INO80: variants seen among roughly 807,000 people sequenced by gnomAD.
INO80 encodes the protein INO80 complex ATPase subunit.
INO80 carries 20 observed loss-of-function variants against 203.4 expected under a neutral mutation model. That is an observed-to-expected ratio of 0.10 (90% CI 0.07 to 0.14). The LOEUF is 0.14. Ranked by LOEUF, INO80 falls within the 10% of genes least tolerant of loss-of-function variation. INO80 has a pLI of 1.00. For missense variants in INO80, 1,419 were observed against 1,914.4 expected, an observed-to-expected ratio of 0.74 and a Z score of 4.83; for synonymous variants, 726 against 685.2, an observed-to-expected ratio of 1.06 and a Z score of -0.93.
At chr15:41,071,312 T>C (rs559603754) in intron 12 of INO80, among the ~76,000 whole-genome samples, 113 of 152,300 alleles carry the variant, frequency 7.4e-4, no homozygotes, top group African/African-American at 2.7e-3. Context: ...TTGTTACATA[T>C]GTATACATGT....
At chr15:41,051,817 C>T (rs569928197) in intron 19 of INO80, among the ~76,000 whole-genome samples, 3 of 151,988 alleles carry the variant, frequency 2.0e-5, no homozygotes, top group South Asian at 2.1e-4. Flanking sequence ...ATTAGCTGGG[C>T]GTTAGTGGTA....
Position 41,047,520 on chromosome 15 carries a change from T to C in INO80, c.2642-19A>G, listed in dbSNP as rs2044790083. 9 of 1,537,942 alleles carry C rather than the reference T, an allele frequency of 5.9e-6. No individual in the cohort carries two copies. Among genetic ancestry groups the C allele is most frequent in the Non-Finnish European group, 8.1e-6 (9 of 1,116,812 alleles). On this transcript the variant is annotated intron_variant, in intron 22 of 35. Transcript: ENST00000648947. ...TTAATACCTGAAATATAAAAGACAATTTGAAACCCAACAGCAAACCAAGAG... is the reference window on the plus strand; with the variant it reads ...TTAATACCTGAAATATAAAAGACAACTTGAAACCCAACAGCAAACCAAGAG...
rs531536040 is a variant in INO80, at chr15:41,027,165, C to T, written c.3048+431G>A. ...GGAGTGTTATGTTTCCTTTTGTTATCTGGAGACTGTACTGAGGTGATATGA... is the reference window on the plus strand; with the variant it reads ...GGAGTGTTATGTTTCCTTTTGTTATTTGGAGACTGTACTGAGGTGATATGA... On this transcript the variant is annotated intron_variant, in intron 25 of 35. Transcript: ENST00000648947. 2.7e-3 allele frequency among the ~76,000 whole-genome samples: 409 copies of T among 152,332 alleles called. 3 individuals are homozygous for T. Among genetic ancestry groups the T allele is most frequent in the South Asian group, 0.013 (62 of 4,822 alleles).
chr15:41,033,577 AG>A (rs2044524665), intron 24 of INO80, among the ~76,000 whole-genome samples: 1 of 152,194 alleles, frequency 6.6e-6, no homozygotes, highest in Non-Finnish European at 1.5e-5. Context: ...CACAGTGTGC[AG>A]GGAAGGTGTG....
At chr15:41,050,285 C>T (rs939051353) in intron 19 of INO80, among the ~76,000 whole-genome samples, 183 bp from the exon 20 acceptor site, 7 of 152,122 alleles carry the variant, frequency 4.6e-5, no homozygotes, top group African/African-American at 1.7e-4. Flanking sequence ...TTCCTTGGCC[C>T]TCTTCTCTTC....
chr15:41,021,151 G>A, intron 25 of INO80, 26 bp from the exon 26 acceptor site: 2 of 1,531,012 alleles, frequency 1.3e-6, no homozygotes, highest in South Asian at 1.1e-5. Flanking sequence ...CACATGAGAT[G>A]GCTCTTTCAC....
At chr15:41,054,704 TCTCGGCTCACCGCAAA>T (rs2140542533) in intron 18 of INO80, among the ~76,000 whole-genome samples, 1 of 152,304 alleles carries the variant, frequency 6.6e-6, no homozygotes, top group African/African-American at 2.4e-5. Flanking sequence ...AATGATGCAA[TCTCGGCTCACCGCAAA>T]CTCCATCTCC....
intron 9 of INO80, among the ~76,000 whole-genome samples, chr15:41,077,887 A>C (rs1352319357): frequency 2.6e-5 from 4 of 151,560 alleles, no homozygotes; most frequent in Non-Finnish European, 5.9e-5. Flanking sequence ...AAAACAATTA[A>C]GAAAAAGAAT....
intron 25 of INO80, among the ~76,000 whole-genome samples, chr15:41,023,779 A>AC (rs1470086666): frequency 2.6e-4 from 38 of 148,536 alleles, no homozygotes; most frequent in Admixed American, 2.5e-3. Flanking sequence ...AAAAAAAAAA[A>AC]AAAACAAAAC....
chr15:40,981,085 C>T (rs1396746579), intron 35 of INO80, among the ~76,000 whole-genome samples: 1 of 152,238 alleles, frequency 6.6e-6, no homozygotes, highest in Non-Finnish European at 1.5e-5. Flanking sequence ...TGTGATAACA[C>T]ATTGATTCTT....
chr15:41,112,367 T>C (rs1490778182), intron 1 of INO80, among the ~76,000 whole-genome samples: 1 of 151,726 alleles, frequency 6.6e-6, no homozygotes, highest in African/African-American at 2.4e-5. Flanking sequence ...AATGATAATA[T>C]ATAAAGTATC....
At chr15:40,993,888 G>A (rs931463869) in intron 29 of INO80, among the ~76,000 whole-genome samples, 26 of 152,286 alleles carry the variant, frequency 1.7e-4, no homozygotes, top group African/African-American at 6.3e-4. Flanking sequence ...TGATCTTCCT[G>A]TTTATGTCTC....
intron 29 of INO80, among the ~76,000 whole-genome samples, chr15:40,991,093 A>G (rs967163993): frequency 4.6e-5 from 7 of 152,158 alleles, no homozygotes; most frequent in Admixed American, 6.5e-5. Context: ...ATTTTTTCCT[A>G]GAAGACCCAG....
At chr15:41,045,495 T>C (rs1408104437) in intron 23 of INO80, among the ~76,000 whole-genome samples, 1 of 150,098 alleles carries the variant, frequency 6.7e-6, no homozygotes, top group African/African-American at 2.5e-5. Context: ...CGCATGAGAA[T>C]CGCTTGAACC....
intron 4 of INO80, among the ~76,000 whole-genome samples, chr15:41,094,502 T>C (rs889494589): frequency 6.6e-6 from 1 of 152,226 alleles, no homozygotes; most frequent in Non-Finnish European, 1.5e-5. Flanking sequence ...ACTAACTGCC[T>C]GCCTCCTTTA....
Position 41,079,805 on chromosome 15 carries a change from T to C in INO80, c.1027A>G (p.Met343Val). The C allele has an allele frequency of 4.3e-6, 7 of 1,614,140 alleles. No homozygotes were observed. Among genetic ancestry groups the C allele is most frequent in the Non-Finnish European group, 5.9e-6 (7 of 1,180,016 alleles). Residue 343 changes from methionine to valine, a missense_variant, in exon 9 of 36, where the codon ATG becomes GTG. Physicochemically the swap from Met to Val is conservative, Grantham distance 21 (BLOSUM62 1). Coordinates refer to ENST00000648947, the MANE Select transcript of INO80 (RefSeq NM_017553.3). Reference sequence around the variant, plus strand: ...TCATATTTCTTCCAGTACAGAAGCATCTCCTTGGTGAGGCGGCGGGCACGA... The same window carrying C: ...TCATATTTCTTCCAGTACAGAAGCACCTCCTTGGTGAGGCGGCGGGCACGA... ...LPRARRLTKE[M>V]LLYWKKYEKV... is the part of the protein sequence containing the mutation.
chr15:40,990,356 TTC>T (rs1410664903), intron 29 of INO80, among the ~76,000 whole-genome samples: 2 of 152,182 alleles, frequency 1.3e-5, no homozygotes, highest in African/African-American at 2.4e-5. Flanking sequence ...TTGAAACTGT[TTC>T]TGTCTCTCTT....
chr15:41,044,829 A>G (rs1427579145), intron 24 of INO80, 75 bp downstream of exon 24: 4 of 1,433,334 alleles, frequency 2.8e-6, no homozygotes, highest in East Asian at 2.3e-5. Context: ...CATTTACTTT[A>G]CTATTATTTT....
chr15:41,092,637 AT>A (rs2045662035), intron 4 of INO80, among the ~76,000 whole-genome samples: 1 of 152,180 alleles, frequency 6.6e-6, no homozygotes, highest in African/African-American at 2.4e-5. Flanking sequence ...AGATAATGAG[AT>A]GTAATTCAGC....
Sources: allele counts gnomAD v4.1 joint callset (sites outside exome capture counted in the v4.1 genomes callset), GRCh38; gene constraint gnomAD v4.1.1; transcripts MANE v1.5; gene names NCBI Gene and HGNC (gene_info 2026-07-23, HGNC 2026-07-21).